The following TLL2 variants were observed in gnomAD, a reference collection of about 807,000 sequenced individuals.
TLL2 encodes tolloid-like protein 2.
TLL2 carries 106 observed loss-of-function variants against 123.0 expected under a neutral mutation model. The ratio of observed to expected loss-of-function variants is 0.86; its 90% CI spans 0.74 to 1.01. The LOEUF (loss-of-function observed/expected upper bound fraction) is 1.01. Ranked by LOEUF, TLL2 falls within the 50% of genes least tolerant of loss-of-function variation. The pLI is 0.00. For synonymous variants in TLL2, 494 were observed against 516.8 expected, an observed-to-expected ratio of 0.96 and a Z score of 0.60; for missense variants, 1,332 against 1,336.7, an observed-to-expected ratio of 1.00 and a Z score of 0.06.
intron 7 of TLL2, among the ~76,000 whole-genome samples, chr10:96,416,015 A>G (rs955211842): frequency 6.6e-6 from 1 of 151,684 alleles, no homozygotes; most frequent in South Asian, 2.1e-4. Flanking sequence ...TCTAGCTCCC[A>G]TAGCCTCATT....
At position 96,412,543 on chromosome 10, in the gene TLL2, G is replaced by A. The variant is rs576803876; in HGVS notation, c.1048+649C>T. Among the ~76,000 whole-genome samples, 108 of 152,210 alleles carry A rather than the reference G, an allele frequency of 7.1e-4. 2 individuals are homozygous for A. Among genetic ancestry groups the A allele is most frequent in the Non-Finnish European group, 1.4e-3 (92 of 68,012 alleles). Reference sequence around the variant, plus strand: ...GAAGCCAAGGGGATGGAAGACAAACGGGACAAATCCAAGGGGAAGGAACAC... The same window carrying A: ...GAAGCCAAGGGGATGGAAGACAAACAGGACAAATCCAAGGGGAAGGAACAC... On this transcript the variant is annotated intron_variant, in intron 8 of 20. Transcript: ENST00000357947.
At position 96,466,986 on chromosome 10, in the gene TLL2, G is replaced by A. The variant is rs189009191; in HGVS notation, c.286+13363C>T. Among the ~76,000 whole-genome samples the A allele has an allele frequency of 3.4e-3, 511 of 152,316 alleles. 3 individuals carry two copies. The highest frequency in any genetic ancestry group is 4.8e-3 in the South Asian group (23 of 4,822). On this transcript the variant is annotated intron_variant, in intron 2 of 20. Coordinates refer to ENST00000357947, the MANE Select transcript of TLL2 (RefSeq NM_012465.4). ...TCTGTCATGTCATAGGTAGCCCTAA[G>A]AATGGTGGCACTGGTTTTATAAAAA...
chr10:96,467,165 GA>G (rs1240947950), intron 2 of TLL2, among the ~76,000 whole-genome samples: 1 of 152,142 alleles, frequency 6.6e-6, no homozygotes, highest in Non-Finnish European at 1.5e-5. Flanking sequence ...CAAAAACTAA[GA>G]TGCTAAGTTT....
chr10:96,426,258 CG>C (rs767934074), intron 5 of TLL2, among the ~76,000 whole-genome samples: 2 of 152,032 alleles, frequency 1.3e-5, no homozygotes, highest in Non-Finnish European at 2.9e-5. Context: ...CTTCTGCTGC[CG>C]AATTCTATGT....
At chr10:96,457,302 C>T (rs1017732831) in intron 2 of TLL2, among the ~76,000 whole-genome samples, 1 of 152,176 alleles carries the variant, frequency 6.6e-6, no homozygotes. Flanking sequence ...GCCTGCTGCA[C>T]CCCAGCCTCC....
rs997242698 is a variant in TLL2, at chr10:96,501,345, C to T, written c.175+12166G>A. Among the ~76,000 whole-genome samples the T allele has an allele frequency of 6.6e-4, 100 of 152,182 alleles. 5 individuals are homozygous for T. Among genetic ancestry groups the T allele is most frequent in the Non-Finnish European group, 1.5e-5 (1 of 68,028 alleles). On this transcript the variant is annotated intron_variant, in intron 1 of 20. Transcript: ENST00000357947. ...CATCTCAGCTCCGGACCCCTCCCAC[C>T]CACAGAGCCACTATCTCTTCCCACT...
Position 96,507,221 on chromosome 10 carries a change from G to A in TLL2, c.175+6290C>T, listed in dbSNP as rs1327523750. Among the ~76,000 whole-genome samples, 3 of 152,112 alleles carry A rather than the reference G, an allele frequency of 2.0e-5. No homozygotes were observed. The South Asian group carries it at 6.2e-4, about 32-fold the overall frequency. On this transcript the variant is annotated intron_variant, in intron 1 of 20. Transcript: ENST00000357947. The stretch of plus-strand genomic sequence containing the variant: ...TGGCCACACACTCCACACCTGCTTG[G>A]CTGAGCTGAATTCTCAGCTCGAGCA...
chr10:96,375,716 T>C lies in TLL2; in HGVS notation c.2448+976A>G, dbSNP rs144089012. On this transcript the variant is annotated intron_variant, in intron 18 of 20. Transcript: ENST00000357947. Reference sequence around the variant, plus strand: ...GCCCTGGGGGCCCATTCGCCTCTTCTGCTCCTCACTCATGGCTCTCACCAA... The same window carrying C: ...GCCCTGGGGGCCCATTCGCCTCTTCCGCTCCTCACTCATGGCTCTCACCAA... Among the ~76,000 whole-genome samples, 127 of 152,268 alleles carry C rather than the reference T, an allele frequency of 8.3e-4. 1 individual carries two copies. In the East Asian group the frequency reaches 0.022, roughly 27 times the overall value.
intron 6 of TLL2, 64 bp from the exon 7 acceptor site, chr10:96,421,125 G>T: frequency 8.0e-7 from 1 of 1,256,568 alleles, no homozygotes; most frequent in Non-Finnish European, 1.2e-6. Context: ...GGAGGCAGAG[G>T]AAGGAGAAGG....
chr10:96,448,005 A>G (rs1009448227), intron 2 of TLL2, among the ~76,000 whole-genome samples: 1 of 152,150 alleles, frequency 6.6e-6, no homozygotes, highest in Non-Finnish European at 1.5e-5. Flanking sequence ...CTAGGCCTGT[A>G]TGACCCTGGA....
At chr10:96,445,585 C>T (rs563644128) in intron 3 of TLL2, among the ~76,000 whole-genome samples, 7 of 152,258 alleles carry the variant, frequency 4.6e-5, no homozygotes, top group African/African-American at 1.7e-4. Context: ...CCTCCCTCAC[C>T]CATTCATTCT....
chr10:96,410,826 G>T (rs1268745923), intron 8 of TLL2, among the ~76,000 whole-genome samples: 1 of 152,178 alleles, frequency 6.6e-6, no homozygotes, highest in Non-Finnish European at 1.5e-5. Flanking sequence ...ACCTGAGAGG[G>T]TTAGTGAAAT....
chr10:96,485,289 TC>T (rs1192296958), intron 1 of TLL2, among the ~76,000 whole-genome samples: 2 of 152,202 alleles, frequency 1.3e-5, no homozygotes, highest in African/African-American at 4.8e-5. Flanking sequence ...TTAGATTTAA[TC>T]AAATTTATAA....
intron 1 of TLL2, among the ~76,000 whole-genome samples, chr10:96,500,869 T>G (rs1274829486): frequency 6.6e-6 from 1 of 152,172 alleles, no homozygotes; most frequent in Non-Finnish European, 1.5e-5. Flanking sequence ...GGAGATTGCT[T>G]AAATAAATTA....
intron 2 of TLL2, among the ~76,000 whole-genome samples, chr10:96,476,293 C>G (rs1440650065): frequency 3.7e-5 from 5 of 135,042 alleles, no homozygotes; most frequent in African/African-American, 5.7e-5. Flanking sequence ...CTCTGTCACT[C>G]AGATGTAGTG....
chr10:96,421,769 G>A (rs756516733), intron 6 of TLL2, among the ~76,000 whole-genome samples: 4 of 151,994 alleles, frequency 2.6e-5, no homozygotes, highest in Admixed American at 6.5e-5. Context: ...CCCAGGAGGC[G>A]GAGGTTGCAG....
chr10:96,482,255 C>T lies in TLL2; in HGVS notation c.176-1796G>A, dbSNP rs376505702. Among the ~76,000 whole-genome samples, 88 of 140,136 alleles carry T rather than the reference C, an allele frequency of 6.3e-4. 1 individual carries two copies. In the East Asian group the frequency reaches 0.017, roughly 27 times the overall value. 91.9% of individuals were successfully genotyped at this position (140,136 alleles called of 152,430 possible). On this transcript the variant is annotated intron_variant, in intron 1 of 20. Coordinates refer to ENST00000357947, the MANE Select transcript of TLL2 (RefSeq NM_012465.4). ...CCTGGGCGACAGAGCGAGACTACGT[C>T]TCAAAAAAAAAAAAAACGAAAAAAC...
At chr10:96,372,566 A>C (rs995687716) in intron 19 of TLL2, among the ~76,000 whole-genome samples, 1 of 152,222 alleles carries the variant, frequency 6.6e-6, no homozygotes, top group Non-Finnish European at 1.5e-5. Context: ...AAGCACGTAC[A>C]TTTCCCACCA....
chr10:96,371,445 C>T (rs1353327675), intron 19 of TLL2, among the ~76,000 whole-genome samples: 9 of 152,256 alleles, frequency 5.9e-5, no homozygotes, highest in East Asian at 1.9e-4. Context: ...CCATGCCCCC[C>T]GAGGGGCCCA....
Sources: gnomAD v4.1 joint callset for allele counts (sites outside exome capture counted in the v4.1 genomes callset) on GRCh38, gnomAD v4.1.1 for gene constraint, MANE v1.5 for transcripts, NCBI Gene and HGNC (gene_info 2026-07-23, HGNC 2026-07-21) for gene names.